POM121C: variants seen among roughly 807,000 people sequenced by gnomAD.
POM121C encodes the protein POM121 transmembrane nucleoporin C.
Under a neutral mutation model 66.4 loss-of-function variants are expected in POM121C, and 20 were observed. That is an observed-to-expected ratio of 0.30 (90% CI 0.21 to 0.44). POM121C has a LOEUF of 0.44. Among genes scored for constraint, POM121C ranks in the 20% least tolerant of loss-of-function variants. The pLI is 1.00. For synonymous variants in POM121C, 286 were observed against 528.0 expected (o/e 0.54, Z 6.28); for missense variants, 580 against 1,225.7 (o/e 0.47, Z 7.87).
intron 6 of POM121C, among the ~76,000 whole-genome samples, chr7:75,438,568 G>A (rs1253077072): frequency 2.0e-5 from 3 of 152,128 alleles, no homozygotes; most frequent in Non-Finnish European, 2.9e-5. Flanking sequence ...ATCCTCCCTC[G>A]CAGTGCAGTA....
chr7:75,473,213 A>G (rs1791939863), intron 3 of POM121C, among the ~76,000 whole-genome samples: 1 of 152,178 alleles, frequency 6.6e-6, no homozygotes, highest in Non-Finnish European at 1.5e-5. Flanking sequence ...CAACTAGGTT[A>G]AAAGTGTCAG....
intron 3 of POM121C, among the ~76,000 whole-genome samples, chr7:75,452,143 G>C (rs1380357858): frequency 6.6e-6 from 1 of 151,910 alleles, no homozygotes; most frequent in Non-Finnish European, 1.5e-5. Flanking sequence ...CAGCCTGGGT[G>C]ACAGAGTGAG....
Position 75,425,674 on chromosome 7 carries a change from T to G in POM121C, c.607A>C (p.Thr203Pro). 6.2e-7 allele frequency: 1 copy of G among 1,611,954 alleles called. No homozygotes were observed. The highest frequency in any genetic ancestry group is 8.5e-7 in the Non-Finnish European group (1 of 1,179,216). ...GACTCCTTGTCTGCTGCCAATGGAG[T>G]TGAAGAACTGGAATGATGACACAGC... ...EELCHHSSSS[T>P]PLAADKESQG... Residue 203 changes from threonine to proline, a missense_variant, in exon 9 of 15, where the codon ACT becomes CCT. Transcript: ENST00000615331.
intron 1 of POM121C, among the ~76,000 whole-genome samples, 160 bp downstream of exon 1, chr7:75,485,704 C>T (rs1375292125): frequency 6.6e-6 from 1 of 152,212 alleles, no homozygotes; most frequent in Non-Finnish European, 1.5e-5. Flanking sequence ...TCTTCCCATG[C>T]AGCACCTGTT....
intron 3 of POM121C, among the ~76,000 whole-genome samples, chr7:75,473,815 A>G (rs587704782): frequency 1.1e-4 from 16 of 151,284 alleles, no homozygotes; most frequent in African/African-American, 3.6e-4. Flanking sequence ...CAGCCTCCCA[A>G]GTAGCTGGGA....
chr7:75,484,801 A>G (rs1792454875), intron 1 of POM121C, among the ~76,000 whole-genome samples: 1 of 152,204 alleles, frequency 6.6e-6, no homozygotes, highest in South Asian at 2.1e-4. Context: ...TCATCATCAA[A>G]TACAAGGCGC....
rs201294610 is a variant in POM121C, at chr7:75,422,985, T to C, written c.1267A>G (p.Thr423Ala). Residue 423 changes from threonine to alanine, a missense_variant, in exon 13 of 15, where the codon ACC (threonine) becomes GCC (alanine). Thr to Ala is a moderately conservative substitution (Grantham distance 58, BLOSUM62 0). Coordinates refer to ENST00000615331, the MANE Select transcript of POM121C (RefSeq NM_001099415.3). ...GGGGCAGATGTGGCTTGGGGTTTGG[T>C]AGCCGTCTCTGCCTGAAGGGTTGGA... ...APPTLQAETA[T>A]KPQATSAPSP... 376 of 1,564,384 alleles carry C rather than the reference T, an allele frequency of 2.4e-4. No individual in the cohort carries two copies. In the African/African-American group the frequency reaches 4.9e-3, roughly 20 times the overall value.
chr7:75,476,650 T>C (rs1563159668), intron 1 of POM121C, among the ~76,000 whole-genome samples: 2 of 151,934 alleles, frequency 1.3e-5, no homozygotes, highest in Middle Eastern at 3.4e-3. Context: ...TGGGTTAACT[T>C]AGTCCAGAAG....
chr7:75,481,320 A>C (rs1554480098), intron 1 of POM121C, among the ~76,000 whole-genome samples: 1 of 151,756 alleles, frequency 6.6e-6, no homozygotes, highest in Non-Finnish European at 1.5e-5. Context: ...TCAGAAACCA[A>C]CTTAAAGGGA....
chr7:75,457,131 A>G (rs1554476401), intron 3 of POM121C, among the ~76,000 whole-genome samples: 1 of 150,454 alleles, frequency 6.6e-6, no homozygotes, highest in Non-Finnish European at 1.5e-5. Context: ...TGGGCAACAG[A>G]GCCAGACTAT....
intron 3 of POM121C, among the ~76,000 whole-genome samples, chr7:75,455,174 A>G (rs1791160898): frequency 6.6e-6 from 1 of 152,178 alleles, no homozygotes; most frequent in Non-Finnish European, 1.5e-5. Context: ...CAATTTCAAC[A>G]CGGCTGTAGG....
Position 75,424,030 on chromosome 7 carries a change from C to T in POM121C, c.1048+19G>A, listed in dbSNP as rs370236780. On this transcript the variant is annotated intron_variant, in intron 12 of 14. Coordinates refer to ENST00000615331, the MANE Select transcript of POM121C (RefSeq NM_001099415.3). ...GATGCTGCTCAGAAGGCTGGATCCA[C>T]GGCCCCACTCCAGCTCACCTGGGCA... is the stretch of plus-strand genomic sequence containing the variant. 2.8e-5 allele frequency: 45 copies of T among 1,609,126 alleles called. No homozygotes were observed. In the African/African-American group the frequency reaches 2.8e-4, roughly 10 times the overall value.
At chr7:75,440,621 C>G (rs1790607799) in intron 5 of POM121C, 1 of 360,738 alleles carries the variant, frequency 2.8e-6, no homozygotes, top group African/African-American at 2.1e-5. Flanking sequence ...TAACTGAACA[C>G]CACAAAATTC....
intron 1 of POM121C, among the ~76,000 whole-genome samples, chr7:75,476,973 G>A (rs1225966611): frequency 6.6e-6 from 1 of 151,726 alleles, no homozygotes; most frequent in Non-Finnish European, 1.5e-5. Context: ...AAAGAAAATA[G>A]AAACTGATGG....
intron 5 of POM121C, among the ~76,000 whole-genome samples, chr7:75,439,632 C>T (rs1790555140): frequency 6.6e-6 from 1 of 152,098 alleles, no homozygotes; most frequent in Non-Finnish European, 1.5e-5. Flanking sequence ...GCGATCCTCC[C>T]ACCTTGGCCT....
chr7:75,482,572 C>T (rs1422148018), intron 1 of POM121C, among the ~76,000 whole-genome samples: 1 of 152,154 alleles, frequency 6.6e-6, no homozygotes, highest in Non-Finnish European at 1.5e-5. Context: ...CACCTGTAGT[C>T]CCAGCTAGGC....
chr7:75,477,108 T>TACACACACACAC (rs782006486), intron 1 of POM121C, among the ~76,000 whole-genome samples: 14 of 37,148 alleles, frequency 3.8e-4, no homozygotes, highest in East Asian at 1.9e-3. Flanking sequence ...AGTTTGCGTG[T>TACACACACACAC]ATACACACAC....
At position 75,440,919 on chromosome 7, in the gene POM121C, G is replaced by A. The variant is rs587741660; in HGVS notation, c.227+35C>T. On this transcript the variant is annotated intron_variant, in intron 5 of 14. Transcript: ENST00000615331. ...CATCTCATCCCATAGGGGTCCAAGC[G>A]GGAAACTGGCTTAGTACTCTCCTGA... 29 of 1,613,764 alleles carry A rather than the reference G, an allele frequency of 1.8e-5. No homozygotes were observed. The Admixed American group carries it at 1.8e-4, about 10-fold the overall frequency.
rs1157182408 is a variant in POM121C, at chr7:75,425,602, A to C, written c.646+33T>G. Reference sequence around the variant, plus strand: ...TCCTCCACAAATACCTCCACCACCAACAGCAGCCCCTCCTCCTGGCTCAGC... The same window carrying C: ...TCCTCCACAAATACCTCCACCACCACCAGCAGCCCCTCCTCCTGGCTCAGC... On this transcript the variant is annotated intron_variant, in intron 9 of 14. Coordinates refer to ENST00000615331, the MANE Select transcript of POM121C (RefSeq NM_001099415.3). 3 of 1,570,010 alleles carry C rather than the reference A, an allele frequency of 1.9e-6. No individual in the cohort carries two copies. In the African/African-American group the frequency reaches 4.1e-5, roughly 21 times the overall value.
Sources: gnomAD v4.1 joint callset for allele counts (sites outside exome capture counted in the v4.1 genomes callset) on GRCh38, gnomAD v4.1.1 for gene constraint, MANE v1.5 for transcripts, NCBI Gene and HGNC (gene_info 2026-07-23, HGNC 2026-07-21) for gene names.